Variants in ADGRL3 observed in about 807,000 individuals in gnomAD.
The protein encoded by ADGRL3 is calcium-independent alpha-latrotoxin receptor 3.
ADGRL3 carries 62 observed loss-of-function variants against 153.5 expected under a neutral mutation model. The observed-to-expected ratio is 0.40, with a 90% CI of 0.33 to 0.50. ADGRL3 has a LOEUF of 0.50. ADGRL3 is among the 20% of genes least tolerant of loss of function. The probability of loss-of-function intolerance (pLI) is 0.47; values close to 1 mark genes in which losing one functional copy is unlikely to be tolerated. For synonymous variants in ADGRL3, 710 were observed against 672.5 expected, an observed-to-expected ratio of 1.06 and a Z score of -0.86; for missense variants, 1,641 against 1,859.4, an observed-to-expected ratio of 0.88 and a Z score of 2.16.
intron 13 of ADGRL3, among the ~76,000 whole-genome samples, chr4:61,930,479 T>G (rs2098813292): frequency 6.6e-6 from 1 of 152,282 alleles, no homozygotes; most frequent in South Asian, 2.1e-4. Flanking sequence ...ATGTAGCAGT[T>G]TTTCCCAAAG....
chr4:61,750,728 T>C (rs1442326105), intron 8 of ADGRL3, among the ~76,000 whole-genome samples: 1 of 148,492 alleles, frequency 6.7e-6, no homozygotes, highest in East Asian at 2.0e-4. Context: ...AGGCGGAGCT[T>C]GCAGTGAGCC....
chr4:61,726,199 C>CTTTTTTTTTGTTTTTTTTTTTT (rs2096334403), intron 6 of ADGRL3, among the ~76,000 whole-genome samples: 2 of 82,940 alleles, frequency 2.4e-5, no homozygotes, highest in African/African-American at 4.5e-5. Context: ...CTCACTGGAA[C>CTTTTTTTTTGTTTTTTTTTTTT]TTTTTTTTTT....
intron 1 of ADGRL3, among the ~76,000 whole-genome samples, chr4:61,275,476 A>G (rs2093416039): frequency 2.0e-5 from 3 of 152,204 alleles, no homozygotes; most frequent in Admixed American, 1.3e-4. Flanking sequence ...GATAAAGAGT[A>G]TGCTATCTAA....
At chr4:61,750,182 TAAAAAAAAAAA>T (rs60768535) in intron 8 of ADGRL3, among the ~76,000 whole-genome samples, 1 of 94,614 alleles carries the variant, frequency 1.1e-5, no homozygotes, top group Non-Finnish European at 2.2e-5. Context: ...AGGGGATGGT[TAAAAAAAAAAA>T]AAAAAAAAAA....
chr4:61,374,324 C>G (rs529386883), intron 1 of ADGRL3, among the ~76,000 whole-genome samples: 14 of 152,226 alleles, frequency 9.2e-5, no homozygotes, highest in Middle Eastern at 6.8e-3. Context: ...CTTCTGATTT[C>G]TCTTTGTTAG....
chr4:61,758,074 G>T (rs573499781), intron 8 of ADGRL3, among the ~76,000 whole-genome samples: 1 of 149,104 alleles, frequency 6.7e-6, no homozygotes, highest in South Asian at 2.1e-4. Flanking sequence ...GTGCAGTGTG[G>T]TGCACAGAAG....
intron 5 of ADGRL3, among the ~76,000 whole-genome samples, chr4:61,624,577 T>C (rs2092720681): frequency 6.6e-6 from 1 of 152,120 alleles, no homozygotes; most frequent in African/African-American, 2.4e-5. Flanking sequence ...GTTTATTATA[T>C]GTAACAAATT....
intron 17 of ADGRL3, 104 bp from the exon 18 acceptor site, chr4:61,979,458 AT>A: frequency 1.1e-6 from 1 of 879,380 alleles, no homozygotes; most frequent in East Asian, 2.4e-5. Flanking sequence ...TATAGAGGGT[AT>A]TTTGTGCATT....
chr4:61,348,053 G>A (rs915308752), intron 1 of ADGRL3, among the ~76,000 whole-genome samples: 2 of 151,794 alleles, frequency 1.3e-5, no homozygotes, highest in African/African-American at 2.4e-5. Context: ...AAACCAGAAA[G>A]CACCCTTGGA....
Position 62,070,327 on chromosome 4 carries a change from C to T in ADGRL3, c.4051C>T (p.Arg1351Cys), listed in dbSNP as rs769829705. 11 of 1,553,688 alleles carry T rather than the reference C, an allele frequency of 7.1e-6. No individual in the cohort carries two copies. Among genetic ancestry groups the T allele is most frequent in the African/African-American group, 2.7e-5 (2 of 73,046 alleles). ...CCCTTCTTACCTGAACAACCATGAGCGCTCCAGTGAACAGAACAGGAATCT... is the reference window on the plus strand; with the variant it reads ...CCCTTCTTACCTGAACAACCATGAGTGCTCCAGTGAACAGAACAGGAATCT... ...YIPSYLNNHE[R>C]SSEQNRNLMN... Residue 1351 changes from arginine to cysteine, a missense_variant, in exon 27 of 27, where the codon CGC (arginine) becomes TGC (cysteine). Coordinates refer to ENST00000683033, the MANE Select transcript of ADGRL3 (RefSeq NM_001387552.1).
chr4:61,403,187 C>G, intron 2 of ADGRL3, among the ~76,000 whole-genome samples: 1 of 152,060 alleles, frequency 6.6e-6, no homozygotes, highest in Non-Finnish European at 1.5e-5. Context: ...TTTTCTGACA[C>G]ACAGCTCCTA....
chr4:61,713,088 TATTTA>T (rs1419412288), intron 6 of ADGRL3, among the ~76,000 whole-genome samples: 3 of 152,156 alleles, frequency 2.0e-5, no homozygotes, highest in Non-Finnish European at 4.4e-5. Flanking sequence ...ACTTTATAAT[TATTTA>T]ATTATGTAAA....
intron 1 of ADGRL3, among the ~76,000 whole-genome samples, chr4:61,230,808 A>G (rs561836428): frequency 6.6e-6 from 1 of 152,336 alleles, no homozygotes; most frequent in Admixed American, 6.5e-5. Flanking sequence ...AGGAGTTTGT[A>G]TCCTGATTTG....
chr4:61,224,917 T>C (rs1270551620), intron 1 of ADGRL3, among the ~76,000 whole-genome samples: 1 of 152,150 alleles, frequency 6.6e-6, no homozygotes, highest in Admixed American at 6.5e-5. Context: ...GGTCCTCTTA[T>C]TTATTGAGCT....
chr4:61,364,190 G>A (rs937861253), intron 1 of ADGRL3, among the ~76,000 whole-genome samples: 14 of 151,940 alleles, frequency 9.2e-5, no homozygotes, highest in African/African-American at 2.9e-4. Context: ...AAAATTAGCT[G>A]GGCATGGTGG....
intron 11 of ADGRL3, among the ~76,000 whole-genome samples, chr4:61,904,776 T>G (rs1308059727): frequency 4.6e-5 from 7 of 152,182 alleles, no homozygotes; most frequent in Admixed American, 4.6e-4. Flanking sequence ...ATAATGATCA[T>G]CGATAGATGT....
chr4:61,225,813 A>G (rs183962494), intron 1 of ADGRL3, among the ~76,000 whole-genome samples: 14 of 152,150 alleles, frequency 9.2e-5, no homozygotes, highest in East Asian at 1.9e-4. Context: ...TTCTCCTTTC[A>G]GTGACTCAAC....
chr4:61,892,845 C>G lies in ADGRL3; in HGVS notation c.1670C>G (p.Ser557Cys). The G allele has an allele frequency of 6.2e-7, 1 of 1,613,434 alleles. No homozygotes were observed. The highest frequency in any genetic ancestry group is 8.5e-7 in the Non-Finnish European group (1 of 1,179,706). ...DMTTHLPSAS[S>C]QIPALEESCE... ...ACCACACACCTTCCATCAGCATCGT[C>G]CCAAATCCCAGCTCTCGAAGAGAGC... is the stretch of plus-strand genomic sequence containing the variant. The change falls in exon 10 of 27, where the codon TCC becomes TGC. Residue 557 changes from serine (S) to cysteine (C), a missense_variant. Physicochemically the swap from Ser to Cys is moderately radical, Grantham distance 112. Coordinates refer to ENST00000683033, the MANE Select transcript of ADGRL3 (RefSeq NM_001387552.1).
At chr4:61,776,305 C>T (rs763851163) in intron 8 of ADGRL3, among the ~76,000 whole-genome samples, 1 of 152,172 alleles carries the variant, frequency 6.6e-6, no homozygotes, top group Non-Finnish European at 1.5e-5. Flanking sequence ...CTAAACCTAA[C>T]AGTGAGCAAG....
Sources: allele counts gnomAD v4.1 joint callset (sites outside exome capture counted in the v4.1 genomes callset), GRCh38; gene constraint gnomAD v4.1.1; transcripts MANE v1.5; gene names NCBI Gene and HGNC (gene_info 2026-07-23, HGNC 2026-07-21).